ANKRD18A: variants seen among roughly 807,000 people sequenced by gnomAD.
The protein encoded by ANKRD18A is ankyrin repeat domain-containing protein 18A.
In ANKRD18A, 72 loss-of-function variants were observed where a neutral mutation model predicts 110.6. That is an observed-to-expected ratio of 0.65 (90% CI 0.54 to 0.79). The LOEUF is 0.79. Ranked by LOEUF, ANKRD18A falls within the 30% of genes least tolerant of loss-of-function variation. ANKRD18A has a pLI of 0.00. For missense variants in ANKRD18A, 934 were observed against 1,163.3 expected, an observed-to-expected ratio of 0.80 and a Z score of 2.87; for synonymous variants, 305 against 410.3, an observed-to-expected ratio of 0.74 and a Z score of 3.10.
chr9:38,608,263 C>A (rs1028755455), intron 5 of ANKRD18A, among the ~76,000 whole-genome samples: 2 of 152,062 alleles, frequency 1.3e-5, no homozygotes, highest in African/African-American at 4.8e-5. Context: ...AACTACCATT[C>A]CTTCTCTACC....
chr9:38,605,918 A>G (rs904956631), intron 6 of ANKRD18A, among the ~76,000 whole-genome samples: 1 of 152,148 alleles, frequency 6.6e-6, no homozygotes, highest in Non-Finnish European at 1.5e-5. Flanking sequence ...GCCTGGTAAC[A>G]GATTATCTTG....
At chr9:38,575,776 A>C in intron 14 of ANKRD18A, 78 bp from the exon 15 acceptor site, 1 of 1,433,436 alleles carries the variant, frequency 7.0e-7, no homozygotes, top group Non-Finnish European at 9.3e-7. Context: ...TTTTTTAAAA[A>C]GTTGCCCTGA....
chr9:38,617,374 A>G (rs1299157122), intron 1 of ANKRD18A, among the ~76,000 whole-genome samples: 1 of 152,188 alleles, frequency 6.6e-6, no homozygotes, highest in Non-Finnish European at 1.5e-5. Context: ...TTGGCAGCAG[A>G]GGTTGCAGTG....
chr9:38,579,549 A>C (rs1824059754), intron 12 of ANKRD18A, among the ~76,000 whole-genome samples: 1 of 152,244 alleles, frequency 6.6e-6, no homozygotes, highest in Non-Finnish European at 1.5e-5. Context: ...AAAAAGAAAT[A>C]CAAATAGCGA....
intron 12 of ANKRD18A, among the ~76,000 whole-genome samples, chr9:38,579,542 A>G (rs1242391231): frequency 6.6e-6 from 1 of 152,236 alleles, no homozygotes; most frequent in Non-Finnish European, 1.5e-5. Context: ...AGAGAAAAAA[A>G]AGAAATACAA....
At chr9:38,583,635 G>A (rs4008170) in intron 12 of ANKRD18A, among the ~76,000 whole-genome samples, 5,648 of 152,098 alleles carry the variant, frequency 0.037, 361 homozygotes, top group African/African-American at 0.13. Context: ...TGATCCACCC[G>A]CCTTGGCCTC....
At chr9:38,574,651 A>G (rs141336648) in intron 15 of ANKRD18A, among the ~76,000 whole-genome samples, 1,569 of 152,224 alleles carry the variant, frequency 0.01, 13 homozygotes, top group South Asian at 0.02. Flanking sequence ...ATGGAAATGA[A>G]CCTTTCAGTG....
chr9:38,607,521 G>C (rs1825416448), intron 5 of ANKRD18A, 28 bp from the exon 6 acceptor site: 1 of 1,361,908 alleles, frequency 7.3e-7, no homozygotes. Flanking sequence ...AATAAAATTA[G>C]TATTTTAATA....
chr9:38,618,901 T>C (rs1184229520), intron 1 of ANKRD18A, among the ~76,000 whole-genome samples: 2 of 149,514 alleles, frequency 1.3e-5, no homozygotes, highest in Non-Finnish European at 3.0e-5. Context: ...ATTAGTAATA[T>C]ATACAATTTC....
chr9:38,593,137 T>C (rs1824726785), intron 10 of ANKRD18A, among the ~76,000 whole-genome samples: 1 of 152,212 alleles, frequency 6.6e-6, no homozygotes, highest in Admixed American at 6.5e-5. Flanking sequence ...CATGGTAGGA[T>C]CCAGATAATT....
chr9:38,592,502 A>T (rs1412942445), intron 10 of ANKRD18A, among the ~76,000 whole-genome samples: 1 of 152,228 alleles, frequency 6.6e-6, no homozygotes, highest in Non-Finnish European at 1.5e-5. Flanking sequence ...AGGCTAGATG[A>T]GCAGGAACTG....
chr9:38,597,110 C>T (rs990920376), intron 8 of ANKRD18A, among the ~76,000 whole-genome samples: 7 of 152,236 alleles, frequency 4.6e-5, no homozygotes, highest in Admixed American at 4.6e-4. Flanking sequence ...TATATCAACA[C>T]AAAAACAGAG....
Position 38,620,380 on chromosome 9 carries a change from C to G in ANKRD18A, c.-95G>C. ...CACTCCGCCCCAAATCCGCGATCTC[C>G]CCCGCAACCCGCGATCCCCCCCGCA... On this transcript the variant is annotated 5_prime_UTR_variant, in exon 1 of 16. Coordinates refer to ENST00000399703, the MANE Select transcript of ANKRD18A (RefSeq NM_147195.4). The G allele has an allele frequency of 1.5e-6, 1 of 662,834 alleles. No homozygotes were observed. The highest frequency in any genetic ancestry group is 2.1e-6 in the Non-Finnish European group (1 of 487,230). The allele number at this position is 662,834 out of a possible 1,614,324, so 41.1% of individuals were successfully genotyped here.
Position 38,596,458 on chromosome 9 carries a change from G to A in ANKRD18A, c.937-55C>T, listed in dbSNP as rs1280997852. On this transcript the variant is annotated intron_variant, in intron 8 of 15. Coordinates refer to ENST00000399703, the MANE Select transcript of ANKRD18A (RefSeq NM_147195.4). ...GCACTCAATAAAATAATCTATGATG[G>A]TTATTTCTGAAGTGAAAGAGCAATC... 3 of 1,318,466 alleles carry A rather than the reference G, an allele frequency of 2.3e-6. No homozygotes were observed. The East Asian group carries it at 8.1e-5, about 35-fold the overall frequency. 81.7% of individuals were successfully genotyped at this position (1,318,466 alleles called of 1,614,324 possible). A position where few individuals can be genotyped will look rare whatever the true frequency, so the allele number is the denominator to read the frequency against.
intron 12 of ANKRD18A, among the ~76,000 whole-genome samples, chr9:38,585,454 G>C (rs1365057308): frequency 6.6e-6 from 1 of 152,006 alleles, no homozygotes; most frequent in Non-Finnish European, 1.5e-5. Flanking sequence ...CTACAACTCT[G>C]TCTGCTGGAA....
Position 38,610,272 on chromosome 9 carries a change from C to A in ANKRD18A, c.740+1G>T, listed in dbSNP as rs944272640. The A allele has an allele frequency of 3.3e-6, 5 of 1,534,510 alleles. No homozygotes were observed. The highest frequency in any genetic ancestry group is 2.5e-5 in the South Asian group (2 of 79,918). The stretch of plus-strand genomic sequence containing the variant: ...ACCGGTCTTTTAATATAAGCACATA[C>A]CTTCTCAAATCAGAACAAAGAGCAT... On this transcript the variant is annotated splice_donor_variant, in intron 5 of 15. Transcript: ENST00000399703. LOFTEE classifies it high-confidence loss of function.
chr9:38,609,307 G>A (rs1236020002), intron 5 of ANKRD18A, among the ~76,000 whole-genome samples: 5 of 151,966 alleles, frequency 3.3e-5, no homozygotes, highest in African/African-American at 4.8e-5. Context: ...GTGAAACCCC[G>A]TCACCACTAA....
chr9:38,571,222 T>G, downstream of ANKRD18A: 1 of 1,264,356 alleles, frequency 7.9e-7, no homozygotes, highest in Non-Finnish European at 1.1e-6. Context: ...GAAAATACAT[T>G]AGTTTAGAAC....
At chr9:38,595,374 T>C in intron 9 of ANKRD18A, 112 bp downstream of exon 9, 2 of 1,040,306 alleles carry the variant, frequency 1.9e-6, no homozygotes, top group South Asian at 4.1e-5. Context: ...TTATACAGAA[T>C]GGTAAACACA....
Sources: allele counts gnomAD v4.1 joint callset (sites outside exome capture counted in the v4.1 genomes callset), GRCh38; gene constraint gnomAD v4.1.1; transcripts MANE v1.5; gene names NCBI Gene and HGNC (gene_info 2026-07-23, HGNC 2026-07-21).